KIF9: variants seen among roughly 807,000 people sequenced by gnomAD.
KIF9 encodes the protein kinesin family member 9.
A neutral mutation model predicts 94.8 loss-of-function variants in KIF9; 68 were observed. The observed-to-expected ratio is 0.72, with a 90% CI of 0.59 to 0.88. The LOEUF is 0.88. Among genes scored for constraint, KIF9 ranks in the 40% least tolerant of loss-of-function variants. KIF9 has a pLI of 0.00. For synonymous variants in KIF9, 343 were observed against 362.1 expected (o/e 0.95, Z 0.60); for missense variants, 882 against 982.5 (o/e 0.90, Z 1.37).
intron 20 of KIF9, among the ~76,000 whole-genome samples, chr3:47,233,816 A>G (rs1001079274): frequency 2.0e-5 from 3 of 152,070 alleles, no homozygotes; most frequent in Non-Finnish European, 4.4e-5. Flanking sequence ...GAAGCCAGGC[A>G]CGGTGGCTCA....
chr3:47,237,692 G>A (rs1413912663), intron 17 of KIF9, among the ~76,000 whole-genome samples: 1 of 152,246 alleles, frequency 6.6e-6, no homozygotes, highest in Non-Finnish European at 1.5e-5. Context: ...TGGGGTGCAT[G>A]AGGCAGCCCC....
chr3:47,244,916 A>G lies in KIF9; in HGVS notation c.1389T>C (p.Leu463=), dbSNP rs1227954717. The G allele has an allele frequency of 1.9e-6, 3 of 1,614,048 alleles. No homozygotes were observed. Among genetic ancestry groups the G allele is most frequent in the East Asian group, 4.5e-5 (2 of 44,886 alleles). The change falls in exon 15 of 21, where the codon CTT becomes CTC. Residue 463 remains leucine (L), a synonymous_variant. Transcript: ENST00000684063. ...AAISAIQKAG[L]VDVDGHLVGE... ...CCACTAGGTGGCCATCAACATCCACAAGCCCCGCCTACATAGAGAGGCCAG... is the reference window on the plus strand; with the variant it reads ...CCACTAGGTGGCCATCAACATCCACGAGCCCCGCCTACATAGAGAGGCCAG...
At chr3:47,235,745 C>T (rs1698975953) in intron 19 of KIF9, 128 bp from the exon 20 acceptor site, 5 of 726,032 alleles carry the variant, frequency 6.9e-6, no homozygotes, top group Non-Finnish European at 1.2e-5. Context: ...AAAAGGGCAT[C>T]TCACAGCCCT....
chr3:47,269,768 ATTTTTTTTTTTTTT>A (rs36108313), intron 5 of KIF9, among the ~76,000 whole-genome samples: 5 of 86,466 alleles, frequency 5.8e-5, no homozygotes, highest in African/African-American at 2.3e-4. Context: ...CTCCCAGCTA[ATTTTTTTTTTTTTT>A]TTTTTTTTTT....
intron 1 of KIF9, among the ~76,000 whole-genome samples, chr3:47,279,690 C>A (rs1017454027): frequency 6.6e-6 from 1 of 151,436 alleles, no homozygotes; most frequent in Non-Finnish European, 1.5e-5. Flanking sequence ...CATCTCAGCT[C>A]ACTGCAAGCT....
In KIF9 at chr3:47,275,480, A is replaced by C; in HGVS notation, c.104T>G (p.Ile35Ser). The C allele has an allele frequency of 1.2e-6, 2 of 1,604,822 alleles. No homozygotes were observed. Among genetic ancestry groups the C allele is most frequent in the Non-Finnish European group, 1.7e-6 (2 of 1,176,848 alleles). ...TCTCCGAATGTCTTTTTTTAAGTGA[A>C]TATCAATGCTCTAGGAAAAAAGAGT... The part of the protein sequence containing the change: ...RYGDDKRSID[I>S]HLKKDIRRGV... Residue 35 changes from isoleucine to serine, a missense_variant, in exon 3 of 21, where the codon ATT (isoleucine) becomes AGT (serine). By Grantham distance (142) the Ile-to-Ser change is moderately radical (BLOSUM62 -2). Transcript: ENST00000684063.
At chr3:47,248,118 CA>C in intron 10 of KIF9, 32 bp from the exon 11 acceptor site, 1 of 1,525,490 alleles carries the variant, frequency 6.6e-7, no homozygotes, top group East Asian at 2.3e-5. Flanking sequence ...TGGGGGCCGA[CA>C]GGAAGGATCA....
At chr3:47,263,520 G>T in intron 9 of KIF9, 1 of 198,038 alleles carries the variant, frequency 5.0e-6, no homozygotes, top group Non-Finnish European at 1.0e-5. Context: ...TCTTCTTGCT[G>T]AGAGCCCCCA....
At chr3:47,270,098 T>C (rs1185262002) in intron 5 of KIF9, among the ~76,000 whole-genome samples, 1 of 151,912 alleles carries the variant, frequency 6.6e-6, no homozygotes, top group African/African-American at 2.4e-5. Context: ...GAGATGAGGT[T>C]TCACCATGTT....
At chr3:47,247,586 G>C (rs2107246472) in intron 11 of KIF9, 109 bp from the exon 12 acceptor site, 1 of 836,378 alleles carries the variant, frequency 1.2e-6, no homozygotes, top group South Asian at 1.5e-5. Context: ...CACAGGCCCT[G>C]GCTGCCCAAG....
At chr3:47,269,333 G>C (rs1241466751) in intron 5 of KIF9, among the ~76,000 whole-genome samples, 1 of 152,232 alleles carries the variant, frequency 6.6e-6, no homozygotes, top group Non-Finnish European at 1.5e-5. Flanking sequence ...CCAGGTTGGA[G>C]TGCAGTGGCA....
intron 10 of KIF9, among the ~76,000 whole-genome samples, chr3:47,256,844 C>T (rs535405200): frequency 5.6e-4 from 85 of 152,276 alleles, no homozygotes; most frequent in African/African-American, 1.9e-3. Flanking sequence ...TGACCTTGCC[C>T]CCAACCCTGT....
chr3:47,243,390 G>A (rs1160499300), intron 15 of KIF9, 145 bp from the exon 16 acceptor site: 11 of 559,978 alleles, frequency 2.0e-5, no homozygotes, highest in Admixed American at 6.7e-5. Flanking sequence ...AGGTAAAAGC[G>A]CAAATAGTGT....
At chr3:47,275,271 C>T (rs550494186) in intron 3 of KIF9, 54 bp downstream of exon 3, 1,108 of 1,256,506 alleles carry the variant, frequency 8.8e-4, no homozygotes, top group Non-Finnish European at 1.2e-3. Context: ...AAAATATTTG[C>T]ATCTCTTACT....
chr3:47,256,022 G>A (rs376189140), intron 10 of KIF9, among the ~76,000 whole-genome samples: 4,890 of 152,316 alleles, frequency 0.032, 231 homozygotes, highest in East Asian at 0.13. Flanking sequence ...CCGGCCTCCC[G>A]AGGTGCCGGG....
At chr3:47,272,330 T>A (rs910431979) in intron 4 of KIF9, among the ~76,000 whole-genome samples, 1 of 152,208 alleles carries the variant, frequency 6.6e-6, no homozygotes, top group Non-Finnish European at 1.5e-5. Flanking sequence ...CTGCTGAGTA[T>A]CTAAAATGTG....
chr3:47,234,105 G>T (rs569719629), intron 20 of KIF9, among the ~76,000 whole-genome samples: 1 of 151,904 alleles, frequency 6.6e-6, no homozygotes, highest in South Asian at 2.1e-4. Context: ...AAAAAAGAAA[G>T]AGAGAAAACT....
intron 20 of KIF9, among the ~76,000 whole-genome samples, chr3:47,231,336 G>C (rs902043824): frequency 6.6e-6 from 1 of 150,648 alleles, no homozygotes; most frequent in Non-Finnish European, 1.5e-5. Flanking sequence ...TGTGGTCCTG[G>C]ACTAGCAGCA....
chr3:47,276,570 A>AG lies in KIF9; in HGVS notation c.93+711_93+712insC, dbSNP rs1553625434. Among the ~76,000 whole-genome samples the AG allele has an allele frequency of 6.7e-3, 1,016 of 151,682 alleles. 10 individuals carry two copies. The highest frequency in any genetic ancestry group is 0.023 in the African/African-American group (970 of 41,344). On this transcript the variant is annotated intron_variant, in intron 2 of 20. Coordinates refer to ENST00000684063, the MANE Select transcript of KIF9 (RefSeq NM_182902.4). ...GACTCTGTCTCAAAAAAAAAAAAAA[A>AG]AAAAGAAAAGAAAGAAAGAAAGACT...
Sources: allele counts gnomAD v4.1 joint callset (sites outside exome capture counted in the v4.1 genomes callset), GRCh38; gene constraint gnomAD v4.1.1; transcripts MANE v1.5; gene names NCBI Gene and HGNC (gene_info 2026-07-23, HGNC 2026-07-21).